The following GRIN2B variants were observed in gnomAD, a reference collection of about 807,000 sequenced individuals.
GRIN2B encodes the protein glutamate receptor ionotropic, NMDA 2B.
Under a neutral mutation model 114.5 loss-of-function variants are expected in GRIN2B, and 5 were observed. The observed-to-expected ratio is 0.04, with a 90% confidence interval of 0.02 to 0.09. The LOEUF is 0.09. Among genes scored for constraint, GRIN2B ranks in the 10% least tolerant of loss-of-function variants. The pLI is 1.00. For missense variants in GRIN2B, 1,108 were observed against 1,943.5 expected, an observed-to-expected ratio of 0.57 and a Z score of 8.08; for synonymous variants, 787 against 745.1, an observed-to-expected ratio of 1.06 and a Z score of -0.92.
Position 13,563,826 on chromosome 12 carries a change from G to T in GRIN2B, c.3412C>A (p.Arg1138=). ...CAGTGGGGTGAGTTCTCCTTTGTTC[G>T]GAACTGGTCCAGGTAGAAGTCCCGT... The part of the protein sequence containing the change: ...GLRDFYLDQF[R]TKENSPHWEH... Residue 1138 remains arginine, a synonymous_variant, in exon 14 of 14, where the codon CGA becomes AGA. Transcript: ENST00000609686. 6.2e-7 allele frequency: 1 copy of T among 1,614,102 alleles called. No homozygotes were observed.
chr12:13,951,420 C>T (rs548472220), intron 2 of GRIN2B, among the ~76,000 whole-genome samples: 70 of 152,238 alleles, frequency 4.6e-4, no homozygotes, highest in African/African-American at 1.4e-3. Flanking sequence ...GAAAATCCAA[C>T]GTAAAAACCA....
At chr12:13,958,363 A>G (rs1329454555) in intron 2 of GRIN2B, among the ~76,000 whole-genome samples, 7 of 152,228 alleles carry the variant, frequency 4.6e-5, no homozygotes, top group Admixed American at 4.6e-4. Context: ...CCTGATGCCC[A>G]GGAGCAAGTC....
At chr12:13,692,735 A>T (rs1238140222) in intron 4 of GRIN2B, among the ~76,000 whole-genome samples, 1 of 120,076 alleles carries the variant, frequency 8.3e-6, no homozygotes, top group Non-Finnish European at 1.8e-5. Flanking sequence ...AGTAATCATT[A>T]CTTATTTTCA....
At position 13,904,591 on chromosome 12, in the gene GRIN2B, G is replaced by T. The variant is rs115801785; in HGVS notation, c.-18-38365C>A. 3.1e-3 allele frequency among the ~76,000 whole-genome samples: 468 copies of T among 152,096 alleles called. 3 individuals carry two copies. Among genetic ancestry groups the T allele is most frequent in the African/African-American group, 0.01 (427 of 41,522 alleles). On this transcript the variant is annotated intron_variant, in intron 2 of 13. Transcript: ENST00000609686. ...GCTCTTCACTCCATCTTGCATCTCA[G>T]ACATTTCATCTTGGGCTTATGTTCA...
At chr12:13,837,238 C>A (rs1865286737) in intron 3 of GRIN2B, among the ~76,000 whole-genome samples, 1 of 152,186 alleles carries the variant, frequency 6.6e-6, no homozygotes, top group Non-Finnish European at 1.5e-5. Context: ...ACCTCTCCCA[C>A]AAAACACACC....
chr12:13,849,153 T>C (rs1865516532), intron 3 of GRIN2B, among the ~76,000 whole-genome samples: 2 of 152,228 alleles, frequency 1.3e-5, no homozygotes, highest in South Asian at 2.1e-4. Flanking sequence ...GCTGGTTAGA[T>C]GTCTGGAAAA....
chr12:13,872,957 A>C (rs1480371653), intron 2 of GRIN2B, among the ~76,000 whole-genome samples: 1 of 152,180 alleles, frequency 6.6e-6, no homozygotes. Flanking sequence ...ATTCTTATCA[A>C]AATAATAGTA....
At chr12:13,790,278 G>A (rs1252184693) in intron 3 of GRIN2B, among the ~76,000 whole-genome samples, 1 of 152,044 alleles carries the variant, frequency 6.6e-6, no homozygotes, top group Non-Finnish European at 1.5e-5. Flanking sequence ...CCATCTTTCT[G>A]CACTGACCTT....
At chr12:13,851,554 A>G (rs184028320) in intron 3 of GRIN2B, among the ~76,000 whole-genome samples, 1 of 152,312 alleles carries the variant, frequency 6.6e-6, no homozygotes, top group Admixed American at 6.5e-5. Flanking sequence ...AAACCTATTA[A>G]ATCTAAATCC....
intron 5 of GRIN2B, among the ~76,000 whole-genome samples, chr12:13,674,318 C>T (rs2136539299): frequency 6.6e-6 from 1 of 152,166 alleles, no homozygotes; most frequent in African/African-American, 2.4e-5. Context: ...TATGACAGCA[C>T]CACTGCACTC....
At chr12:13,771,381 T>G (rs1001196408) in intron 3 of GRIN2B, among the ~76,000 whole-genome samples, 7 of 152,192 alleles carry the variant, frequency 4.6e-5, no homozygotes, top group African/African-American at 1.7e-4. Context: ...AATTTAGACT[T>G]TCGTTTTGAT....
Position 13,563,586 on chromosome 12 carries a change from A to T in GRIN2B, c.3652T>A (p.Cys1218Ser), listed in dbSNP as rs1948583113. 2 of 1,613,988 alleles carry T rather than the reference A, an allele frequency of 1.2e-6. No individual in the cohort carries two copies. Among genetic ancestry groups the T allele is most frequent in the African/African-American group, 2.7e-5 (2 of 74,932 alleles). ...DRSGGNFCRSCPSKLHNYSTT... is the reference protein window; with the variant it reads ...DRSGGNFCRSSPSKLHNYSTT... Reference sequence around the variant, plus strand: ...GAGTAGTTGTGCAGCTTGGAGGGACAGCTGCGGCAGAAGTTGCCCCCGGAC... The same window carrying T: ...GAGTAGTTGTGCAGCTTGGAGGGACTGCTGCGGCAGAAGTTGCCCCCGGAC... The change falls in exon 14 of 14, where the codon TGT becomes AGT. Residue 1218 changes from cysteine (C) to serine (S), a missense_variant. Physicochemically the swap from Cys to Ser is moderately radical, Grantham distance 112. Around this residue, in one of 19 missense-constraint regions of GRIN2B, gnomAD observed 478 missense variants for 506.0 expected, o/e 0.94. Transcript: ENST00000609686.
intron 3 of GRIN2B, among the ~76,000 whole-genome samples, chr12:13,861,688 G>A (rs1865754260): frequency 6.6e-6 from 1 of 152,300 alleles, no homozygotes; most frequent in South Asian, 2.1e-4. Flanking sequence ...CTTCCCTGGT[G>A]GGGTGAGACC....
intron 2 of GRIN2B, among the ~76,000 whole-genome samples, chr12:13,892,348 T>C (rs1866277411): frequency 6.6e-6 from 1 of 152,354 alleles, no homozygotes; most frequent in East Asian, 1.9e-4. Context: ...AAATCCAATA[T>C]AATGTCCTTA....
chr12:13,852,306 G>A (rs1435797912), intron 3 of GRIN2B, among the ~76,000 whole-genome samples: 3 of 152,148 alleles, frequency 2.0e-5, no homozygotes, highest in African/African-American at 7.2e-5. Context: ...CTGCAACTAG[G>A]TAGACAAATC....
chr12:13,704,872 A>G (rs748012371), intron 4 of GRIN2B, among the ~76,000 whole-genome samples: 68 of 152,292 alleles, frequency 4.5e-4, no homozygotes, highest in Middle Eastern at 6.8e-3. Flanking sequence ...CATGTCACTG[A>G]TACTTTTATT....
intron 5 of GRIN2B, among the ~76,000 whole-genome samples, chr12:13,636,256 GGA>G (rs1322654720): frequency 6.6e-6 from 1 of 152,174 alleles, no homozygotes; most frequent in East Asian, 1.9e-4. Context: ...TAGTATAGCT[GGA>G]GAACCTTGGG....
chr12:13,915,161 A>C (rs1866692785), intron 2 of GRIN2B, among the ~76,000 whole-genome samples: 1 of 152,220 alleles, frequency 6.6e-6, no homozygotes, highest in Non-Finnish European at 1.5e-5. Flanking sequence ...AATATCACAT[A>C]TACCCCCAAA....
intron 4 of GRIN2B, among the ~76,000 whole-genome samples, chr12:13,706,679 T>C (rs1950362455): frequency 6.6e-6 from 1 of 152,120 alleles, no homozygotes; most frequent in South Asian, 2.1e-4. Context: ...CAAGCTCAGA[T>C]GCCACCTGCC....
Sources: allele counts gnomAD v4.1 joint callset (sites outside exome capture counted in the v4.1 genomes callset), GRCh38; gene constraint gnomAD v4.1.1; regional missense constraint gnomAD v4.1.1; transcripts MANE v1.5; gene names NCBI Gene and HGNC (gene_info 2026-07-23, HGNC 2026-07-21).